Variants in SKAP1 observed in about 807,000 individuals in gnomAD.
SKAP1 encodes src kinase-associated phosphoprotein 1.
A neutral mutation model predicts 58.5 loss-of-function variants in SKAP1; 44 were observed. The observed-to-expected ratio is 0.75, with a 90% CI of 0.59 to 0.97. The LOEUF (loss-of-function observed/expected upper bound fraction) is 0.97. Ranked by LOEUF, SKAP1 falls within the 50% of genes least tolerant of loss-of-function variation. SKAP1 has a pLI of 0.00. For missense variants in SKAP1, 390 were observed against 435.2 expected, an observed-to-expected ratio of 0.90 and a Z score of 0.92; for synonymous variants, 127 against 149.7, an observed-to-expected ratio of 0.85 and a Z score of 1.11.
chr17:48,330,731 T>G (rs150956311), intron 4 of SKAP1, among the ~76,000 whole-genome samples: 1 of 152,242 alleles, frequency 6.6e-6, no homozygotes, highest in Non-Finnish European at 1.5e-5. Flanking sequence ...TTTCAACTGC[T>G]ATAGTGTTGT....
chr17:48,250,559 G>T (rs1318824212), intron 4 of SKAP1, among the ~76,000 whole-genome samples: 1 of 151,906 alleles, frequency 6.6e-6, no homozygotes, highest in Non-Finnish European at 1.5e-5. Context: ...GGGATTATAG[G>T]CGTCAGCCAC....
chr17:48,155,976 C>G (rs1465668304), intron 11 of SKAP1, among the ~76,000 whole-genome samples: 1 of 152,208 alleles, frequency 6.6e-6, no homozygotes, highest in African/African-American at 2.4e-5. Flanking sequence ...GATTCGGCAC[C>G]TGCCCTGTCA....
upstream of SKAP1, among the ~76,000 whole-genome samples, chr17:48,430,843 AGAG>A (rs2067909661): frequency 6.6e-6 from 1 of 152,180 alleles, no homozygotes; most frequent in Non-Finnish European, 1.5e-5. Flanking sequence ...AAGCTGAGGG[AGAG>A]GAGAACAGAG....
chr17:48,368,863 G>T (rs1406692129), intron 2 of SKAP1, among the ~76,000 whole-genome samples: 3 of 152,186 alleles, frequency 2.0e-5, no homozygotes, highest in African/African-American at 7.2e-5. Context: ...TATGCTATTT[G>T]TGTTTTCAAA....
At chr17:48,303,429 A>C (rs1341069729) in intron 4 of SKAP1, among the ~76,000 whole-genome samples, 1 of 152,242 alleles carries the variant, frequency 6.6e-6, no homozygotes, top group Non-Finnish European at 1.5e-5. Flanking sequence ...AATTCATCAA[A>C]TACTACTCAG....
At chr17:48,343,768 T>C (rs1204703512) in intron 4 of SKAP1, among the ~76,000 whole-genome samples, 1 of 152,194 alleles carries the variant, frequency 6.6e-6, no homozygotes, top group Non-Finnish European at 1.5e-5. Flanking sequence ...GTTTGGAGTA[T>C]GAATCTGCCA....
chr17:48,276,588 C>T (rs184283523), intron 4 of SKAP1, among the ~76,000 whole-genome samples: 4 of 152,302 alleles, frequency 2.6e-5, no homozygotes, highest in Admixed American at 2.0e-4. Context: ...TTGTGGTTTA[C>T]ATTTTTTCAG....
At chr17:48,223,063 CAAAAAAAA>C (rs71141973) in intron 4 of SKAP1, among the ~76,000 whole-genome samples, 3 of 70,114 alleles carry the variant, frequency 4.3e-5, no homozygotes, top group East Asian at 5.1e-4. Flanking sequence ...GACTCCGTCT[CAAAAAAAA>C]AAAAAAAAAA....
chr17:48,429,159 T>C (rs905150878), intron 1 of SKAP1, among the ~76,000 whole-genome samples: 5 of 152,242 alleles, frequency 3.3e-5, no homozygotes, highest in African/African-American at 1.2e-4. Context: ...TCAACTTAGA[T>C]GCCAAAAGGC....
At chr17:48,301,756 C>T (rs548812949) in intron 4 of SKAP1, among the ~76,000 whole-genome samples, 14 of 152,240 alleles carry the variant, frequency 9.2e-5, no homozygotes, top group South Asian at 2.1e-4. Context: ...GGATTACAGG[C>T]GTGAGCTACC....
the SKAP1 span, among the ~76,000 whole-genome samples, chr17:48,438,523 T>C: frequency 6.6e-6 from 1 of 152,172 alleles, no homozygotes; most frequent in Non-Finnish European, 1.5e-5. Flanking sequence ...AAGAGATGAA[T>C]AGAGTGTGGC....
At chr17:48,348,211 G>T (rs575913417) in intron 3 of SKAP1, among the ~76,000 whole-genome samples, 1 of 151,962 alleles carries the variant, frequency 6.6e-6, no homozygotes, top group Admixed American at 6.6e-5. Context: ...ATGGTGGCTT[G>T]TGCCTGTGGT....
chr17:48,404,437 G>A (rs2067543672), intron 1 of SKAP1, among the ~76,000 whole-genome samples: 1 of 152,012 alleles, frequency 6.6e-6, no homozygotes. Flanking sequence ...GGGCAAGAAG[G>A]GTGAAACTCT....
At chr17:48,445,022 C>T in the SKAP1 span, among the ~76,000 whole-genome samples, 3 of 152,096 alleles carry the variant, frequency 2.0e-5, no homozygotes, top group African/African-American at 7.2e-5. Context: ...GCCAGGCAAT[C>T]GACAGGAGAA....
chr17:48,407,228 G>A (rs1006377887), intron 1 of SKAP1, among the ~76,000 whole-genome samples: 2 of 152,042 alleles, frequency 1.3e-5, no homozygotes, highest in South Asian at 2.1e-4. Flanking sequence ...AAATATTTTC[G>A]ATGTTAAATA....
upstream of SKAP1, among the ~76,000 whole-genome samples, chr17:48,431,087 T>C (rs893660238): frequency 1.3e-5 from 2 of 152,082 alleles, no homozygotes; most frequent in East Asian, 3.8e-4. Flanking sequence ...GTACAATAGG[T>C]CAACTGCCAT....
intron 2 of SKAP1, among the ~76,000 whole-genome samples, chr17:48,369,890 A>C (rs1446238684): frequency 6.6e-6 from 1 of 152,202 alleles, no homozygotes; most frequent in Non-Finnish European, 1.5e-5. Flanking sequence ...CAATTAAAAC[A>C]ATCATCAAAA....
chr17:48,233,713 G>A (rs9889470), intron 4 of SKAP1, among the ~76,000 whole-genome samples: 41,347 of 151,752 alleles, frequency 0.27, 6,361 homozygotes, highest in African/African-American at 0.43. Context: ...AAAATTAGCC[G>A]GGCATAGTGG....
intron 4 of SKAP1, among the ~76,000 whole-genome samples, chr17:48,237,087 T>C (rs2065189330): frequency 6.6e-6 from 1 of 152,230 alleles, no homozygotes; most frequent in Non-Finnish European, 1.5e-5. Flanking sequence ...AATCCAGTTC[T>C]TTCTGACTCC....
Sources: allele counts gnomAD v4.1 joint callset (sites outside exome capture counted in the v4.1 genomes callset), GRCh38; gene constraint gnomAD v4.1.1; transcripts MANE v1.5; gene names NCBI Gene and HGNC (gene_info 2026-07-23, HGNC 2026-07-21).